Variants in CDYL observed in about 807,000 individuals in gnomAD.
CDYL encodes the protein chromodomain Y like.
In CDYL, 8 loss-of-function variants were observed where a neutral mutation model predicts 47.3. The observed-to-expected ratio is 0.17, with a 90% confidence interval of 0.10 to 0.31. The LOEUF (loss-of-function observed/expected upper bound fraction) is 0.31. Among genes scored for constraint, CDYL ranks in the 10% least tolerant of loss-of-function variants. The pLI, the probability that CDYL is intolerant of heterozygous loss-of-function variation, is 1.00. For synonymous variants in CDYL, 266 were observed against 265.0 expected (o/e 1.00, Z -0.04); for missense variants, 471 against 701.4 (o/e 0.67, Z 3.71).
At chr6:4,940,959 C>T (rs1229192599) in intron 4 of CDYL, among the ~76,000 whole-genome samples, 2 of 152,244 alleles carry the variant, frequency 1.3e-5, no homozygotes, top group Non-Finnish European at 2.9e-5. Flanking sequence ...CTGCCTCCTT[C>T]TCCCCAAACG....
chr6:4,826,416 T>C (rs1016981531), intron 1 of CDYL, among the ~76,000 whole-genome samples: 1 of 152,190 alleles, frequency 6.6e-6, no homozygotes, highest in Non-Finnish European at 1.5e-5. Context: ...GCTCTTCTTT[T>C]TCTAGCTCCT....
At chr6:4,773,946 C>T (rs1455093310), upstream of CDYL, among the ~76,000 whole-genome samples, 1 of 152,058 alleles carries the variant, frequency 6.6e-6, no homozygotes, top group African/African-American at 2.4e-5. The surrounding 1 kb of genome is among the most constrained non-coding windows in gnomAD (Gnocchi z 4.6). Flanking sequence ...TTTGTTTCCA[C>T]AATGGGGAAA....
intron 1 of CDYL, among the ~76,000 whole-genome samples, chr6:4,706,951 A>C (rs1757057396): frequency 6.6e-6 from 1 of 152,170 alleles, no homozygotes; most frequent in South Asian, 2.1e-4. Context: ...GAATGGTGAA[A>C]GCAATGCTGA....
At chr6:4,819,116 T>TTCTCTCTCTCTCTCTCTCTC (rs373718294) in intron 1 of CDYL, among the ~76,000 whole-genome samples, 11 of 76,700 alleles carry the variant, frequency 1.4e-4, no homozygotes, top group African/African-American at 1.8e-4. Flanking sequence ...TTTAGGTTCG[T>TTCTCTCTCTCTCTCTCTCTC]TCTCTCTCTC....
intron 2 of CDYL, among the ~76,000 whole-genome samples, chr6:4,914,986 T>A (rs1236833085): frequency 6.6e-6 from 1 of 152,206 alleles, no homozygotes; most frequent in Non-Finnish European, 1.5e-5. Context: ...TTGCCTTTAT[T>A]CACTGTGCCC....
rs776179242 is a variant in CDYL at position 4,892,214 on chromosome 6, A to C, written c.526A>C (p.Thr176Pro). Reference protein sequence around the residue: ...LDPVEQGQEDTVAPEVAAEKP... With the variant: ...LDPVEQGQEDPVAPEVAAEKP... ...CCCCGTCGAGCAGGGTCAGGAGGACACAGTGGCACCCGAAGTGGCAGCGGA... is the reference window on the plus strand; with the variant it reads ...CCCCGTCGAGCAGGGTCAGGAGGACCCAGTGGCACCCGAAGTGGCAGCGGA... Residue 176 changes from threonine to proline, a missense_variant, in exon 2 of 7, where the codon ACA (threonine) becomes CCA (proline). Physicochemically the swap from Thr to Pro is conservative, Grantham distance 38. Coordinates refer to ENST00000397588, the MANE Select transcript of CDYL (RefSeq NM_004824.4). 6.2e-6 allele frequency: 10 copies of C among 1,614,246 alleles called. No individual in the cohort carries two copies. The highest frequency in any genetic ancestry group is 7.6e-6 in the Non-Finnish European group (9 of 1,180,048).
At chr6:4,920,092 G>A (rs1581264573) in intron 2 of CDYL, among the ~76,000 whole-genome samples, 1 of 152,294 alleles carries the variant, frequency 6.6e-6, no homozygotes, top group South Asian at 2.1e-4. Context: ...GGTGACATAA[G>A]GCCATCTAAA....
chr6:4,792,696 A>G, intron 1 of CDYL, among the ~76,000 whole-genome samples: 1 of 152,100 alleles, frequency 6.6e-6, no homozygotes, highest in East Asian at 1.9e-4. Flanking sequence ...TTGGCCTCCC[A>G]AAGTGCTGGG....
At chr6:4,759,136 T>A (rs545597878) in intron 3 of CDYL, among the ~76,000 whole-genome samples, 190 of 151,928 alleles carry the variant, frequency 1.3e-3, no homozygotes, top group African/African-American at 4.4e-3. Context: ...ACCTGGCTAA[T>A]TTTTTTGTAT....
intron 2 of CDYL, among the ~76,000 whole-genome samples, chr6:4,895,021 ATG>A (rs1762176045): frequency 6.6e-6 from 1 of 151,498 alleles, no homozygotes; most frequent in Non-Finnish European, 1.5e-5. Context: ...ACATATATGT[ATG>A]TATGTGTATA....
At chr6:4,906,314 T>G (rs1006960309) in intron 2 of CDYL, among the ~76,000 whole-genome samples, 5 of 152,240 alleles carry the variant, frequency 3.3e-5, no homozygotes, top group African/African-American at 1.2e-4. Flanking sequence ...TGGCATTACC[T>G]CTAAAGGTGA....
chr6:4,878,098 C>T (rs1761666673), intron 1 of CDYL, among the ~76,000 whole-genome samples: 1 of 152,030 alleles, frequency 6.6e-6, no homozygotes, highest in South Asian at 2.1e-4. Flanking sequence ...CTGAGATATG[C>T]CACATTTAAT....
At position 4,950,404 on chromosome 6, in the gene CDYL, G is replaced by A. The variant is rs80126332; in HGVS notation, c.1333-1862G>A. ...CTGTAGTGTCCTCACTCTATGCTGAGAATGAAAGAAGCACAGTCTATGAAA... is the reference window on the plus strand; with the variant it reads ...CTGTAGTGTCCTCACTCTATGCTGAAAATGAAAGAAGCACAGTCTATGAAA... On this transcript the variant is annotated intron_variant, in intron 5 of 6. Coordinates refer to ENST00000397588, the MANE Select transcript of CDYL (RefSeq NM_004824.4). 6.4e-3 allele frequency among the ~76,000 whole-genome samples: 974 copies of A among 152,286 alleles called. 11 individuals are homozygous for A. The highest frequency in any genetic ancestry group is 0.023 in the African/African-American group (937 of 41,560).
chr6:4,934,889 T>G (rs1290527463), intron 2 of CDYL, among the ~76,000 whole-genome samples: 1 of 152,144 alleles, frequency 6.6e-6, no homozygotes, highest in African/African-American at 2.4e-5. Flanking sequence ...AGGAGAGCTA[T>G]CTTCAGCTGC....
At chr6:4,880,908 G>A (rs1433476152) in intron 1 of CDYL, among the ~76,000 whole-genome samples, 3 of 152,148 alleles carry the variant, frequency 2.0e-5, no homozygotes, top group Non-Finnish European at 2.9e-5. Flanking sequence ...GATAACAGCC[G>A]TTTGTCAGAT....
At chr6:4,902,832 G>A (rs1757110315) in intron 2 of CDYL, among the ~76,000 whole-genome samples, 1 of 152,218 alleles carries the variant, frequency 6.6e-6, no homozygotes, top group South Asian at 2.1e-4. Flanking sequence ...GATGGGAGCC[G>A]ATTCCCTAGA....
intron 1 of CDYL, among the ~76,000 whole-genome samples, chr6:4,708,100 G>A (rs9405763): frequency 1 from 152,075 of 152,144 alleles, 76,004 homozygotes; most frequent in Non-Finnish European, 1. Context: ...TATTATTGCA[G>A]ATGTTTTAGG....
intron 1 of CDYL, among the ~76,000 whole-genome samples, chr6:4,818,364 T>C (rs1759732137): frequency 6.6e-6 from 1 of 152,226 alleles, no homozygotes; most frequent in Admixed American, 6.5e-5. Context: ...AAAGATTGTT[T>C]CTATGAAAGG....
At chr6:4,797,870 T>TATGACA (rs1404066483) in intron 1 of CDYL, among the ~76,000 whole-genome samples, 6 of 152,262 alleles carry the variant, frequency 3.9e-5, no homozygotes, top group African/African-American at 1.4e-4. Context: ...TTTTGTCTAT[T>TATGACA]ATGAATATGA....
Sources: gnomAD v4.1 joint callset for allele counts (sites outside exome capture counted in the v4.1 genomes callset) on GRCh38, gnomAD v4.1.1 for gene constraint, Gnocchi (gnomAD v3.1) non-coding constraint, MANE v1.5 for transcripts, NCBI Gene and HGNC (gene_info 2026-07-23, HGNC 2026-07-21) for gene names.